Variants in ZNF385D observed in about 807,000 individuals in gnomAD.
The protein encoded by ZNF385D is zinc finger protein 385D.
ZNF385D carries 15 observed loss-of-function variants against 35.8 expected under a neutral mutation model. The ratio of observed to expected loss-of-function variants is 0.42; its 90% CI spans 0.28 to 0.64. The LOEUF is 0.64. ZNF385D is among the 30% of genes least tolerant of loss of function. The pLI, the probability that ZNF385D is intolerant of heterozygous loss-of-function variation, is 0.23. For missense variants in ZNF385D, 474 were observed against 494.6 expected (o/e 0.96, Z 0.39); for synonymous variants, 212 against 186.8 (o/e 1.13, Z -1.10).
intron 3 of ZNF385D, among the ~76,000 whole-genome samples, chr3:21,934,926 C>T (rs1447682861): frequency 3.9e-5 from 6 of 152,158 alleles, no homozygotes; most frequent in East Asian, 1.9e-4. Flanking sequence ...AGTCTGACTG[C>T]ACATATATTA....
intron 2 of ZNF385D, among the ~76,000 whole-genome samples, chr3:22,215,666 A>G (rs1050645194): frequency 1.3e-5 from 2 of 151,964 alleles, no homozygotes; most frequent in African/African-American, 4.8e-5. Context: ...CTGGTACTGT[A>G]GTCCTGTAAT....
At chr3:21,487,053 T>G (rs549255593) in intron 4 of ZNF385D, among the ~76,000 whole-genome samples, 35 of 152,248 alleles carry the variant, frequency 2.3e-4, no homozygotes, top group African/African-American at 8.4e-4. Context: ...CAAGTTCTTA[T>G]TTATATTGAA....
At chr3:22,156,326 T>C (rs1027889248) in intron 3 of ZNF385D, among the ~76,000 whole-genome samples, 1 of 151,984 alleles carries the variant, frequency 6.6e-6, no homozygotes, top group African/African-American at 2.4e-5. Context: ...GTCCTAAAAC[T>C]TGATGGTCAG....
At chr3:21,605,207 T>C (rs1262980760) in intron 2 of ZNF385D, among the ~76,000 whole-genome samples, 1 of 152,084 alleles carries the variant, frequency 6.6e-6, no homozygotes, top group African/African-American at 2.4e-5. Flanking sequence ...ATATTTAATT[T>C]CTAGGAACAG....
At chr3:21,929,287 C>T (rs1430177051) in intron 3 of ZNF385D, among the ~76,000 whole-genome samples, 1 of 151,990 alleles carries the variant, frequency 6.6e-6, no homozygotes, top group East Asian at 1.9e-4. Context: ...AAACTCTCAA[C>T]AAACTAGGGA....
chr3:21,909,062 G>A (rs1451643943), intron 3 of ZNF385D, among the ~76,000 whole-genome samples: 2 of 151,868 alleles, frequency 1.3e-5, no homozygotes, highest in Non-Finnish European at 2.9e-5. Context: ...TTTCTCTGAA[G>A]GTCTAAACAA....
At chr3:22,107,485 A>T (rs1247209731) in intron 3 of ZNF385D, among the ~76,000 whole-genome samples, 1 of 151,638 alleles carries the variant, frequency 6.6e-6, no homozygotes, top group Non-Finnish European at 1.5e-5. Context: ...ATCTTAAAAA[A>T]CTCTAGATTT....
intron 3 of ZNF385D, among the ~76,000 whole-genome samples, chr3:21,960,486 T>G (rs1268798191): frequency 6.6e-6 from 1 of 152,070 alleles, no homozygotes; most frequent in East Asian, 1.9e-4. Flanking sequence ...ACACTGTTGG[T>G]GGAAATGTAA....
intron 3 of ZNF385D, among the ~76,000 whole-genome samples, chr3:22,155,349 G>A (rs1431123510): frequency 6.6e-6 from 1 of 151,978 alleles, no homozygotes; most frequent in Non-Finnish European, 1.5e-5. Context: ...AATAGTCCCT[G>A]ATGCTTGTAT....
intron 3 of ZNF385D, among the ~76,000 whole-genome samples, chr3:22,012,229 A>C (rs1696621392): frequency 6.6e-6 from 1 of 152,156 alleles, no homozygotes; most frequent in Non-Finnish European, 1.5e-5. Context: ...TTGACATTTT[A>C]AGAATTATTG....
chr3:21,895,316 T>G (rs1268278295), intron 3 of ZNF385D, among the ~76,000 whole-genome samples: 4 of 128,788 alleles, frequency 3.1e-5, no homozygotes, highest in Admixed American at 8.6e-5. Flanking sequence ...CTGAAATGTG[T>G]GGCTTTTTTT....
intron 2 of ZNF385D, among the ~76,000 whole-genome samples, chr3:22,348,937 A>C (rs1457655124): frequency 6.6e-6 from 1 of 152,226 alleles, no homozygotes; most frequent in African/African-American, 2.4e-5. Flanking sequence ...ATTAAATGGC[A>C]TAATTACATA....
At chr3:22,137,971 C>G (rs1483450364) in intron 3 of ZNF385D, among the ~76,000 whole-genome samples, 2 of 152,128 alleles carry the variant, frequency 1.3e-5, no homozygotes, top group Non-Finnish European at 1.5e-5. Context: ...CTTCAGCAAA[C>G]TCTCAGGATA....
intron 3 of ZNF385D, among the ~76,000 whole-genome samples, chr3:21,960,041 A>T (rs921551651): frequency 1.4e-5 from 2 of 143,798 alleles, no homozygotes; most frequent in Non-Finnish European, 3.1e-5. Context: ...AAAAAAAAAG[A>T]CAAATGGACT....
chr3:21,618,149 G>A (rs2064901743), intron 2 of ZNF385D, among the ~76,000 whole-genome samples: 1 of 152,118 alleles, frequency 6.6e-6, no homozygotes, highest in African/African-American at 2.4e-5. Context: ...TGTAAAAAGG[G>A]TCTTTGTGAT....
intron 3 of ZNF385D, among the ~76,000 whole-genome samples, chr3:21,956,500 T>C (rs904815463): frequency 1.3e-5 from 2 of 152,010 alleles, no homozygotes; most frequent in Non-Finnish European, 2.9e-5. Context: ...GGGAGACAAC[T>C]AAGAGGTAAC....
chr3:22,371,248 C>G (rs1040346429), intron 2 of ZNF385D, among the ~76,000 whole-genome samples: 1 of 152,120 alleles, frequency 6.6e-6, no homozygotes, highest in Non-Finnish European at 1.5e-5. Context: ...TAGAAAACAT[C>G]GTGAACCGGA....
intron 3 of ZNF385D, among the ~76,000 whole-genome samples, chr3:22,042,824 C>A (rs1012803275): frequency 6.6e-5 from 10 of 152,178 alleles, no homozygotes; most frequent in African/African-American, 2.4e-4. Flanking sequence ...CATGCCTGAT[C>A]TCGACGTGTT....
intron 3 of ZNF385D, among the ~76,000 whole-genome samples, chr3:22,001,219 T>A (rs1695823630): frequency 1.3e-5 from 2 of 152,068 alleles, no homozygotes; most frequent in African/African-American, 4.8e-5. Context: ...GGATTTTTTT[T>A]AAGCAATAAT....
Sources: gnomAD v4.1 joint callset for allele counts (sites outside exome capture counted in the v4.1 genomes callset) on GRCh38, gnomAD v4.1.1 for gene constraint, MANE v1.5 for transcripts, NCBI Gene and HGNC (gene_info 2026-07-23, HGNC 2026-07-21) for gene names.